Variants in DMPK observed in about 807,000 individuals in gnomAD.
The protein encoded by DMPK is myotonin-protein kinase.
DMPK carries 32 observed loss-of-function variants against 70.3 expected under a neutral mutation model. That is an observed-to-expected ratio of 0.46 (90% CI 0.34 to 0.61). DMPK has a LOEUF of 0.61. Ranked by LOEUF, DMPK falls within the 20% of genes least tolerant of loss-of-function variation. The pLI is 0.01. For missense variants in DMPK, 899 were observed against 886.0 expected, an observed-to-expected ratio of 1.01 and a Z score of -0.19; for synonymous variants, 469 against 390.9, an observed-to-expected ratio of 1.20 and a Z score of -2.36.
intron 14 of DMPK, 41 bp from the exon 15 acceptor site, chr19:45,770,681 T>C: frequency 6.5e-7 from 1 of 1,542,628 alleles, no homozygotes; most frequent in South Asian, 1.2e-5. Context: ...CATGGGCCTC[T>C]GATTGGCTCC....
chr19:45,782,375 C>T lies in DMPK; in HGVS notation c.-23G>A. 6.5e-7 allele frequency: 1 copy of T among 1,539,208 alleles called. No individual in the cohort carries two copies. The highest frequency in any genetic ancestry group is 8.8e-7 in the Non-Finnish European group (1 of 1,141,934). On this transcript the variant is annotated 5_prime_UTR_variant, in exon 1 of 15. Coordinates refer to ENST00000291270, the MANE Select transcript of DMPK (RefSeq NM_004409.5). ...CATGTTGGACAGGCAGCACCATGGC[C>T]CCTCCCCGGGCCGGGGGCTCGGGGT...
At position 45,779,844 on chromosome 19, in the gene DMPK, CTTAA is replaced by C. The variant is rs1382898063; in HGVS notation, c.182_185del (p.Leu61ArgfsTer13). On this transcript the variant is annotated frameshift_variant, in exon 2 of 15. Coordinates refer to ENST00000291270, the MANE Select transcript of DMPK (RefSeq NM_004409.5). LOFTEE classifies it high-confidence loss of function. ...AGTCGTCCCTCTGCAGTCGGACCTC[CTTAA>C]GCCTCACCACGATGGGCTCCGCTGG... The C allele has an allele frequency of 6.2e-7, 1 of 1,611,144 alleles. No individual in the cohort carries two copies.
chr19:45,770,036 A>G lies in DMPK; in HGVS notation c.*452T>C. On this transcript the variant is annotated 3_prime_UTR_variant, in exon 15 of 15. Coordinates refer to ENST00000291270, the MANE Select transcript of DMPK (RefSeq NM_004409.5). ...GATCGCGCCAGACGCTCCCCAGAGC[A>G]GGGCGTCATGCACAAGAAAGCTTTG... 2.4e-6 allele frequency: 1 copy of G among 420,430 alleles called. No individual in the cohort carries two copies. Among genetic ancestry groups the G allele is most frequent in the South Asian group, 2.2e-5 (1 of 44,768 alleles). The allele number at this position is 420,430 out of a possible 1,614,324, so 26.0% of individuals were successfully genotyped here.
rs1375406579 is a variant in DMPK, at chr19:45,770,496, C to A, written c.1882G>T (p.Ala628Ser). The change falls in exon 15 of 15, where the codon GCT becomes TCT. Residue 628 changes from alanine (A) to serine (S), a missense_variant. By Grantham distance (99) the Ala-to-Ser change is moderately conservative. Transcript: ENST00000291270. The stretch of plus-strand genomic sequence containing the variant: ...GAAGACAGTTCTAGGGTTCAGGGAG[C>A]GCGGGCGGCTCCTGGGCGGCGCCAG... ...AVWRRPGAAR[A>S]P The A allele has an allele frequency of 2.5e-5, 39 of 1,550,240 alleles. No individual in the cohort carries two copies. The highest frequency in any genetic ancestry group is 3.3e-5 in the Non-Finnish European group (38 of 1,146,804).
rs764372949 is a variant in DMPK at position 45,779,992 on chromosome 19, T to G, written c.161-123A>C. 22 of 1,562,736 alleles carry G rather than the reference T, an allele frequency of 1.4e-5. No individual in the cohort carries two copies. In the African/African-American group the frequency reaches 3.0e-4, roughly 21 times the overall value. ...GCCTCTCAGCTTCACCCTAGGACTG[T>G]CTGCTTCCCAGGGGCTTCCCCACAT... On this transcript the variant is annotated intron_variant, in intron 1 of 14. Transcript: ENST00000291270.
chr19:45,782,266 G>A lies in DMPK; in HGVS notation c.87C>T (p.Leu29=). 6.2e-7 allele frequency: 1 copy of A among 1,607,610 alleles called. No individual in the cohort carries two copies. The highest frequency in any genetic ancestry group is 8.5e-7 in the Non-Finnish European group (1 of 1,177,796). Residue 29 remains leucine, a synonymous_variant, in exon 1 of 15, where the codon CTC becomes CTT. Coordinates refer to ENST00000291270, the MANE Select transcript of DMPK (RefSeq NM_004409.5). The stretch of plus-strand genomic sequence containing the variant: ...CGCCCAGCTCCTGGTGGACGCCCAG[G>A]AGAAGGTCGAGCAGGGGCTCCAGCC... ...FLGLEPLLDL[L]LGVHQELGAS... is the part of the protein sequence containing the mutation.
chr19:45,779,897 G>A, intron 1 of DMPK, 28 bp from the exon 2 acceptor site: 1 of 1,613,774 alleles, frequency 6.2e-7, no homozygotes. Flanking sequence ...GAAAAGAACC[G>A]AGGGTCACCA....
Position 45,777,931 on chromosome 19 carries a change from G to A in DMPK, c.676-58C>T, listed in dbSNP as rs1969872623. The A allele has an allele frequency of 6.6e-7, 1 of 1,511,092 alleles. No individual in the cohort carries two copies. The highest frequency in any genetic ancestry group is 2.3e-5 in the East Asian group (1 of 44,082). The allele number at this position is 1,511,092 out of a possible 1,614,324, so 93.6% of individuals were successfully genotyped here. A position where few individuals can be genotyped will look rare whatever the true frequency, so the allele number is the denominator to read the frequency against. ...CCACCCCTCTGGGCCCACCAGCTCT[G>A]GGCCCTCCTTCCAACCACTCCCCAA... is the stretch of plus-strand genomic sequence containing the variant. On this transcript the variant is annotated intron_variant, in intron 6 of 14. Transcript: ENST00000291270. This position sits in a 1 kb window ranked among gnomAD's most constrained non-coding sequence, Gnocchi z 6.7.
chr19:45,780,982 C>T (rs1315349653), intron 1 of DMPK, among the ~76,000 whole-genome samples: 3 of 152,134 alleles, frequency 2.0e-5, no homozygotes, highest in Non-Finnish European at 4.4e-5. Context: ...CCAACTTCAT[C>T]CTCTACTAAA....
intron 9 of DMPK, among the ~76,000 whole-genome samples, chr19:45,774,637 A>T (rs1179338617): frequency 6.6e-6 from 1 of 152,192 alleles, no homozygotes; most frequent in Non-Finnish European, 1.5e-5. Context: ...AACTGATTGT[A>T]AAAGTCTAAA....
chr19:45,771,036 C>T lies in DMPK; in HGVS notation c.1672G>A (p.Val558Met). 6.6e-7 allele frequency: 1 copy of T among 1,504,826 alleles called. No homozygotes were observed. The allele number at this position is 1,504,826 out of a possible 1,614,324, so 93.2% of individuals were successfully genotyped here. ...SHLDGPPAVA[V>M]GQCPLVGPGP... is the part of the protein sequence containing the mutation. ...GGCCCCACCAGCGGGCACTGGCCCACAGCCACGGCCGGGGGGCCATCTAGC... is the reference window on the plus strand; with the variant it reads ...GGCCCCACCAGCGGGCACTGGCCCATAGCCACGGCCGGGGGGCCATCTAGC... The change falls in exon 14 of 15, where the codon GTG becomes ATG. Residue 558 changes from valine (V) to methionine (M), a missense_variant. By Grantham distance (21) the Val-to-Met change is conservative. Around this residue, in one of 3 missense-constraint regions of DMPK, gnomAD observed 555 missense variants for 483.8 expected, o/e 1.15. Coordinates refer to ENST00000291270, the MANE Select transcript of DMPK (RefSeq NM_004409.5).
At chr19:45,770,702 C>T in intron 14 of DMPK, 62 bp from the exon 15 acceptor site, 1 of 1,514,490 alleles carries the variant, frequency 6.6e-7, no homozygotes, top group Non-Finnish European at 8.9e-7. Flanking sequence ...TGGGACTCGC[C>T]CCGCCTACGC....
chr19:45,777,303 C>G lies in DMPK; in HGVS notation c.1146+24G>C, dbSNP rs543482651. On this transcript the variant is annotated intron_variant, in intron 8 of 14. Transcript: ENST00000291270. The surrounding 1 kb of genome is among the most constrained non-coding windows in gnomAD (Gnocchi z 6.7). ...GGGAGCATGGGGAGGTTCCCGCAGC[C>G]GAGCAGGGGCCACAGGTACCTACCC... 9 of 1,538,104 alleles carry G rather than the reference C, an allele frequency of 5.9e-6. No individual in the cohort carries two copies. The South Asian group carries it at 1.1e-4, about 19-fold the overall frequency.
rs1398106992 is a variant in DMPK, at chr19:45,771,615, C to CG, written c.1552dup (p.Arg518ProfsTer65). The CG allele has an allele frequency of 6.2e-7, 1 of 1,614,036 alleles. No individual in the cohort carries two copies. The highest frequency in any genetic ancestry group is 8.5e-7 in the Non-Finnish European group (1 of 1,179,942). The stretch of plus-strand genomic sequence containing the variant: ...CAACTCCATCCGCTCCTGCAACTGC[C>CG]GGACGTGTGCCTCTAGGTCCCGGTT... On this transcript the variant is annotated frameshift_variant, in exon 12 of 15. Coordinates refer to ENST00000291270, the MANE Select transcript of DMPK (RefSeq NM_004409.5). LOFTEE classifies it high-confidence loss of function.
intron 13 of DMPK, 112 bp from the exon 14 acceptor site, chr19:45,771,172 G>A (rs762517214): frequency 1.7e-6 from 2 of 1,175,484 alleles, no homozygotes; most frequent in African/African-American, 1.6e-5. Flanking sequence ...GGAGATCCCG[G>A]AGGGAATCTG....
intron 3 of DMPK, 39 bp downstream of exon 3, chr19:45,779,400 C>G (rs1969976238): frequency 6.2e-7 from 1 of 1,613,710 alleles, no homozygotes; most frequent in Non-Finnish European, 8.5e-7. Context: ...AGACGGGGCG[C>G]GGATCCTCAA....
chr19:45,780,495 C>G (rs981183042), intron 1 of DMPK: 1 of 1,126,154 alleles, frequency 8.9e-7, no homozygotes, highest in Non-Finnish European at 1.1e-6. Context: ...TTAGTCCTAC[C>G]CCTTATTTAC....
chr19:45,777,688 A>G lies in DMPK; in HGVS notation c.861T>C (p.Tyr287=). The G allele has an allele frequency of 6.2e-7, 1 of 1,614,032 alleles. No individual in the cohort carries two copies. The highest frequency in any genetic ancestry group is 1.1e-5 in the South Asian group (1 of 91,088). ...PFYADSTAET[Y]GKIVHYKEHL... is the part of the protein sequence containing the mutation. ...TCACCTTGTAGTGGACGATCTTGCC[A>G]TAGGTCTCCGCCGTGGAATCCGCGT... The change falls in exon 7 of 15, where the codon TAT becomes TAC. Residue 287 remains tyrosine, a synonymous_variant. Transcript: ENST00000291270. This position sits in a 1 kb window ranked among gnomAD's most constrained non-coding sequence, Gnocchi z 6.7.
In DMPK at chr19:45,776,021, C is replaced by A. The variant is rs1344182302; in HGVS notation, c.1147-987G>T. Among the ~76,000 whole-genome samples, 5 of 109,238 alleles carry A rather than the reference C, an allele frequency of 4.6e-5. 2 individuals are homozygous for A. Among genetic ancestry groups the A allele is most frequent in the Non-Finnish European group, 9.8e-5 (5 of 50,848 alleles). 71.7% of individuals were successfully genotyped at this position (109,238 alleles called of 152,430 possible). On this transcript the variant is annotated intron_variant, in intron 8 of 14. Coordinates refer to ENST00000291270, the MANE Select transcript of DMPK (RefSeq NM_004409.5). ...TATTTTTAGTAGAGACGGGGTTTCA[C>A]CGTGTTGGCCAGCCTAGTCTCAAAA... is the stretch of plus-strand genomic sequence containing the variant.
Sources: allele counts gnomAD v4.1 joint callset (sites outside exome capture counted in the v4.1 genomes callset), GRCh38; gene constraint gnomAD v4.1.1; regional missense constraint gnomAD v4.1.1; non-coding constraint Gnocchi (gnomAD v3.1); transcripts MANE v1.5; gene names NCBI Gene and HGNC (gene_info 2026-07-23, HGNC 2026-07-21).